The following MICAL2 variants were observed in gnomAD, a reference collection of about 807,000 sequenced individuals.
MICAL2 encodes the protein [F-actin]-monooxygenase MICAL2.
In MICAL2, 77 loss-of-function variants were observed where a neutral mutation model predicts 127.3. The observed-to-expected ratio is 0.60, with a 90% CI of 0.50 to 0.73. The LOEUF (loss-of-function observed/expected upper bound fraction) is 0.73. MICAL2 is among the 30% of genes least tolerant of loss of function. MICAL2 has a pLI of 0.00. For missense variants in MICAL2, 1,351 were observed against 1,434.4 expected (o/e 0.94, Z 0.94); for synonymous variants, 570 against 551.1 (o/e 1.03, Z -0.48).
chr11:12,211,410 C>T (rs1276953408), intron 6 of MICAL2, among the ~76,000 whole-genome samples: 1 of 152,072 alleles, frequency 6.6e-6, no homozygotes, highest in Non-Finnish European at 1.5e-5. Flanking sequence ...CAAAAAAAAC[C>T]CCAAGGTTGT....
chr11:12,305,356 T>C (rs746525569), intron 29 of MICAL2, among the ~76,000 whole-genome samples: 43 of 151,790 alleles, frequency 2.8e-4, no homozygotes, highest in Non-Finnish European at 3.5e-4. Context: ...GAGAACAGCA[T>C]GGGGGAGACC....
At chr11:12,305,545 A>G (rs1864099496) in intron 29 of MICAL2, among the ~76,000 whole-genome samples, 1 of 152,188 alleles carries the variant, frequency 6.6e-6, no homozygotes. Context: ...TTTAACTTAT[A>G]AATTACCACA....
downstream of MICAL2, among the ~76,000 whole-genome samples, chr11:12,296,151 C>T (rs1446198966): frequency 2.6e-5 from 4 of 152,060 alleles, no homozygotes; most frequent in Non-Finnish European, 5.9e-5. Context: ...GACAGTTTAG[C>T]TAAACATTCA....
chr11:12,129,637 T>TTC (rs1491206613), intron 1 of MICAL2, among the ~76,000 whole-genome samples: 7 of 1,010 alleles, frequency 6.9e-3, no homozygotes, highest in South Asian at 0.062. Context: ...CTTCTTCTTC[T>TTC]TTTTTTTTTT....
chr11:12,215,163 A>T (rs1855982588), intron 7 of MICAL2, among the ~76,000 whole-genome samples: 1 of 152,232 alleles, frequency 6.6e-6, no homozygotes, highest in Non-Finnish European at 1.5e-5. Flanking sequence ...TATAAATGAG[A>T]GCAGGACATT....
intron 3 of MICAL2, among the ~76,000 whole-genome samples, chr11:12,172,346 A>G (rs76480837): frequency 0.037 from 5,614 of 152,278 alleles, 246 homozygotes; most frequent in African/African-American, 0.11. Flanking sequence ...CTTCAAATGC[A>G]GATGCTTAGT....
intron 3 of MICAL2, among the ~76,000 whole-genome samples, chr11:12,193,617 G>T (rs763764826): frequency 1.3e-5 from 2 of 152,310 alleles, no homozygotes; most frequent in East Asian, 1.9e-4. Context: ...TCAAAGAAAG[G>T]TGGCAGAGAG....
At chr11:12,300,227 C>T (rs1449112782) in intron 29 of MICAL2, among the ~76,000 whole-genome samples, 2 of 151,988 alleles carry the variant, frequency 1.3e-5, no homozygotes, top group Non-Finnish European at 2.9e-5. Context: ...CCAGGAGGCA[C>T]AGTTTGCAGT....
At position 12,164,617 on chromosome 11, in the gene MICAL2, A is replaced by G. The variant is rs548452741; in HGVS notation, c.264+2198A>G. Among the ~76,000 whole-genome samples, 8 of 152,316 alleles carry G rather than the reference A, an allele frequency of 5.3e-5. No individual in the cohort carries two copies. In the East Asian group the frequency reaches 1.5e-3, roughly 29 times the overall value. ...TTTTTCTCCATGTTCGAAGCCTCTC[A>G]TTCACATCTTTATAGCTCCATTCCA... On this transcript the variant is annotated intron_variant, in intron 3 of 27. Coordinates refer to ENST00000683283, the MANE Select transcript of MICAL2 (RefSeq NM_001282663.2).
In MICAL2 at chr11:12,327,165, T is replaced by C. The variant is rs554584433; in HGVS notation, c.5422-8T>C. On this transcript the variant is annotated splice_polypyrimidine_tract_variant and splice_region_variant and intron_variant, in intron 31 of 34. Coordinates refer to the MICAL2 transcript ENST00000646065. ...GTCCTTGTGTGACATCTGATCCTGG[T>C]GTTGCAGGCCATCCAGAGGCAGCTG... The C allele has an allele frequency of 2.6e-5, 40 of 1,551,172 alleles. 1 individual carries two copies. The South Asian group carries it at 3.1e-4, about 12-fold the overall frequency.
chr11:12,274,198 T>G (rs1393708696), upstream of MICAL2: 1 of 151,984 alleles, frequency 6.6e-6, no homozygotes, highest in Non-Finnish European at 1.5e-5. Flanking sequence ...GGCTCCATCT[T>G]GAAGAGGAAA....
intron 14 of MICAL2, 112 bp from the exon 15 acceptor site, chr11:12,226,913 C>G (rs2134335677): frequency 1.3e-6 from 1 of 794,338 alleles, no homozygotes. Context: ...CTTGGCCTCC[C>G]AAGTGCTGGG....
intron 1 of MICAL2, among the ~76,000 whole-genome samples, chr11:12,130,077 T>C (rs561239164): frequency 1.6e-4 from 24 of 152,350 alleles, no homozygotes; most frequent in African/African-American, 5.3e-4. Flanking sequence ...CACATGGTGA[T>C]GGCTTTGAGC....
At chr11:12,355,824 C>A (rs1188998278) in intron 34 of MICAL2, among the ~76,000 whole-genome samples, 5 of 152,160 alleles carry the variant, frequency 3.3e-5, no homozygotes, top group African/African-American at 1.2e-4. Flanking sequence ...CAGACTGTTT[C>A]TTTATAGCAA....
intron 12 of MICAL2, chr11:12,224,459 C>A: frequency 3.5e-6 from 2 of 574,130 alleles, no homozygotes; most frequent in South Asian, 4.5e-5. Flanking sequence ...TGGAAGAGAA[C>A]ATGCTTCCTC....
chr11:12,229,309 G>A (rs890585080), intron 15 of MICAL2, among the ~76,000 whole-genome samples: 6 of 152,220 alleles, frequency 3.9e-5, no homozygotes, highest in African/African-American at 1.4e-4. Context: ...CAACAGAGCA[G>A]TTAAAATGAT....
At chr11:12,251,685 G>T (rs1376579736) in intron 22 of MICAL2, among the ~76,000 whole-genome samples, 1 of 151,874 alleles carries the variant, frequency 6.6e-6, no homozygotes, top group East Asian at 1.9e-4. Flanking sequence ...GGTGGGACCA[G>T]GTGTGGTCTT....
At chr11:12,293,738 C>T (rs1000960555), downstream of MICAL2, 3 of 1,613,870 alleles carry the variant, frequency 1.9e-6, no homozygotes, top group African/African-American at 2.7e-5. Flanking sequence ...TGAAGATGGC[C>T]TCTCAGACCC....
chr11:12,262,684 A>G (rs1863290912), intron 27 of MICAL2, 147 bp downstream of exon 27: 5 of 714,824 alleles, frequency 7.0e-6, no homozygotes, highest in Admixed American at 4.4e-5. Flanking sequence ...TGGTTGGCTA[A>G]CAGCATGGCG....
Sources: gnomAD v4.1 joint callset for allele counts (sites outside exome capture counted in the v4.1 genomes callset) on GRCh38, gnomAD v4.1.1 for gene constraint, MANE v1.5 for transcripts, NCBI Gene and HGNC (gene_info 2026-07-23, HGNC 2026-07-21) for gene names.